Variants in CDKAL1 observed in about 807,000 individuals in gnomAD.
CDKAL1 encodes the protein CDKAL1 threonylcarbamoyladenosine tRNA methylthiotransferase.
CDKAL1 carries 32 observed loss-of-function variants against 68.2 expected under a neutral mutation model. That is an observed-to-expected ratio of 0.47 (90% CI 0.35 to 0.63). CDKAL1 has a LOEUF of 0.63. CDKAL1 is among the 30% of genes least tolerant of loss of function. CDKAL1 has a pLI of 0.00. For missense variants in CDKAL1, 606 were observed against 696.7 expected (o/e 0.87, Z 1.47); for synonymous variants, 234 against 244.3 (o/e 0.96, Z 0.39).
At chr6:21,025,291 C>G (rs115397052) in intron 11 of CDKAL1, among the ~76,000 whole-genome samples, 1,548 of 152,276 alleles carry the variant, frequency 0.01, 27 homozygotes, top group African/African-American at 0.036. Flanking sequence ...CATTCATAGT[C>G]AAACACACTG....
chr6:20,849,444 G>A (rs1020180223), intron 9 of CDKAL1, among the ~76,000 whole-genome samples: 11 of 151,942 alleles, frequency 7.2e-5, no homozygotes, highest in African/African-American at 2.4e-4. Flanking sequence ...TTAGCCGGGC[G>A]TGGTGGCGGG....
At chr6:21,100,676 T>C (rs1420517374) in intron 12 of CDKAL1, among the ~76,000 whole-genome samples, 1 of 134,222 alleles carries the variant, frequency 7.5e-6, no homozygotes, top group Admixed American at 7.7e-5. Flanking sequence ...AGAGTTTGCC[T>C]GTTTCCCTGT....
intron 9 of CDKAL1, among the ~76,000 whole-genome samples, chr6:20,919,315 T>G (rs1433140654): frequency 7.2e-5 from 11 of 152,244 alleles, no homozygotes; most frequent in Admixed American, 2.0e-4. Flanking sequence ...CCATATTTGT[T>G]TGCTAAATTT....
intron 12 of CDKAL1, among the ~76,000 whole-genome samples, chr6:21,065,985 T>A (rs1562002374): frequency 2.6e-5 from 4 of 151,762 alleles, no homozygotes; most frequent in Admixed American, 1.3e-4. Context: ...GGTTTTTGCC[T>A]TTAATTACCG....
intron 13 of CDKAL1, among the ~76,000 whole-genome samples, chr6:21,186,329 T>TG (rs534851457): frequency 1.4e-3 from 211 of 152,086 alleles, no homozygotes; most frequent in Admixed American, 5.1e-3. Flanking sequence ...CTTTGGGGAA[T>TG]GGGGGGGAAT....
chr6:20,730,376 C>A (rs114462721), intron 5 of CDKAL1, among the ~76,000 whole-genome samples: 1 of 130,904 alleles, frequency 7.6e-6, no homozygotes, highest in Admixed American at 8.3e-5. Flanking sequence ...AGATGGAGCC[C>A]GACCCGAAAA....
chr6:20,720,273 T>TA (rs996720477), intron 5 of CDKAL1, among the ~76,000 whole-genome samples: 1 of 151,714 alleles, frequency 6.6e-6, no homozygotes, highest in East Asian at 1.9e-4. Context: ...CCTTTTTCTT[T>TA]AAAAAAAAAT....
At chr6:21,061,067 G>A (rs867641588) in intron 11 of CDKAL1, among the ~76,000 whole-genome samples, 16 of 152,106 alleles carry the variant, frequency 1.1e-4, no homozygotes, top group African/African-American at 3.9e-4. Flanking sequence ...GTGTGTATAT[G>A]TTTGTATTTT....
intron 11 of CDKAL1, among the ~76,000 whole-genome samples, chr6:21,055,013 G>A (rs1205491475): frequency 6.6e-6 from 1 of 152,068 alleles, no homozygotes; most frequent in Non-Finnish European, 1.5e-5. Flanking sequence ...AGTGAGAACA[G>A]AAATCTTTGC....
chr6:21,143,577 T>C (rs1776026659), intron 13 of CDKAL1, among the ~76,000 whole-genome samples: 1 of 152,210 alleles, frequency 6.6e-6, no homozygotes, highest in Admixed American at 6.5e-5. Flanking sequence ...CAGGCTTTTA[T>C]TTTTTAGGTG....
intron 4 of CDKAL1, among the ~76,000 whole-genome samples, chr6:20,552,703 T>G (rs529812044): frequency 2.8e-4 from 43 of 152,192 alleles, no homozygotes; most frequent in Middle Eastern, 3.4e-3. Context: ...AACTATTGAT[T>G]GTTCCTACTT....
At chr6:20,617,817 T>C (rs947650227) in intron 4 of CDKAL1, among the ~76,000 whole-genome samples, 1 of 152,212 alleles carries the variant, frequency 6.6e-6, no homozygotes, top group Non-Finnish European at 1.5e-5. Flanking sequence ...TGGTCTATCA[T>C]TGAAGGACAT....
intron 13 of CDKAL1, among the ~76,000 whole-genome samples, chr6:21,123,414 G>A (rs538960362): frequency 1.3e-5 from 2 of 152,222 alleles, no homozygotes; most frequent in Non-Finnish European, 2.9e-5. Context: ...CAAGAACGCA[G>A]CACTGCACTC....
intron 4 of CDKAL1, among the ~76,000 whole-genome samples, chr6:20,603,822 G>T (rs953592064): frequency 1.6e-5 from 2 of 125,360 alleles, no homozygotes; most frequent in South Asian, 5.4e-4. Context: ...AGTCACCCAG[G>T]CTGGAGTGCA....
At chr6:20,541,329 T>C (rs1323605303) in intron 2 of CDKAL1, among the ~76,000 whole-genome samples, 2 of 152,142 alleles carry the variant, frequency 1.3e-5, no homozygotes, top group Admixed American at 1.3e-4. Context: ...GCTTCAGGCA[T>C]TTGTTGGATT....
chr6:20,716,127 G>A (rs1238771565), intron 5 of CDKAL1, among the ~76,000 whole-genome samples: 2 of 152,164 alleles, frequency 1.3e-5, no homozygotes, highest in Non-Finnish European at 2.9e-5. Flanking sequence ...TTCTGGTTTG[G>A]TGCACACTGT....
intron 5 of CDKAL1, among the ~76,000 whole-genome samples, chr6:20,686,647 C>T (rs67131976): frequency 0.18 from 26,952 of 152,122 alleles, 2,561 homozygotes; most frequent in East Asian, 0.37. Context: ...AAACCATCTC[C>T]CACCCAATCT....
intron 8 of CDKAL1, among the ~76,000 whole-genome samples, chr6:20,833,459 C>G (rs1026807262): frequency 6.6e-6 from 1 of 152,052 alleles, no homozygotes; most frequent in African/African-American, 2.4e-5. Context: ...AATTCCAAGA[C>G]CAGGATCTTA....
intron 12 of CDKAL1, among the ~76,000 whole-genome samples, chr6:21,070,612 G>A (rs908345196): frequency 6.6e-6 from 1 of 151,620 alleles, no homozygotes; most frequent in Admixed American, 6.6e-5. Context: ...TTTTCAGAAG[G>A]TTTGGAAACC....
Sources: allele counts gnomAD v4.1 joint callset (sites outside exome capture counted in the v4.1 genomes callset), GRCh38; gene constraint gnomAD v4.1.1; transcripts MANE v1.5; gene names NCBI Gene and HGNC (gene_info 2026-07-23, HGNC 2026-07-21).